The following GALNT13 variants were observed in gnomAD, a reference collection of about 807,000 sequenced individuals.
The protein encoded by GALNT13 is polypeptide N-acetylgalactosaminyltransferase 13.
In GALNT13, 28 loss-of-function variants were observed where a neutral mutation model predicts 64.2. The observed-to-expected ratio is 0.44, with a 90% confidence interval of 0.32 to 0.60. GALNT13 has a LOEUF of 0.60. Among genes scored for constraint, GALNT13 ranks in the 20% least tolerant of loss-of-function variants. GALNT13 has a pLI of 0.05. For missense variants in GALNT13, 577 were observed against 669.8 expected (o/e 0.86, Z 1.53); for synonymous variants, 214 against 224.6 (o/e 0.95, Z 0.42).
chr2:153,928,696 C>A (rs1690314786), intron 2 of GALNT13, among the ~76,000 whole-genome samples: 1 of 151,966 alleles, frequency 6.6e-6, no homozygotes, highest in South Asian at 2.1e-4. Context: ...CCCATATATT[C>A]CTTTTTAAAA....
chr2:153,664,373 C>T, the GALNT13 span, among the ~76,000 whole-genome samples: 15 of 152,136 alleles, frequency 9.9e-5, no homozygotes, highest in East Asian at 3.9e-4. Context: ...TGCCTGGTCC[C>T]GCAGGCAGTC....
At chr2:153,628,099 C>A in the GALNT13 span, among the ~76,000 whole-genome samples, 1 of 152,070 alleles carries the variant, frequency 6.6e-6, no homozygotes, top group African/African-American at 2.4e-5. Context: ...GTATTTTATT[C>A]TCTTTGAAGC....
the GALNT13 span, among the ~76,000 whole-genome samples, chr2:153,377,758 G>C: frequency 6.6e-6 from 1 of 152,032 alleles, no homozygotes; most frequent in Non-Finnish European, 1.5e-5. Flanking sequence ...AACAGAAAAT[G>C]GACTAAGACA....
chr2:153,653,178 T>C, the GALNT13 span, among the ~76,000 whole-genome samples: 2 of 104,696 alleles, frequency 1.9e-5, no homozygotes, highest in African/African-American at 5.7e-5. Context: ...GAAATAACAA[T>C]TGGGATAAAA....
chr2:153,536,366 T>C, the GALNT13 span, among the ~76,000 whole-genome samples: 2 of 152,246 alleles, frequency 1.3e-5, no homozygotes, highest in Non-Finnish European at 2.9e-5. Context: ...GTTGTAATTC[T>C]CTGTATCTGC....
chr2:154,334,954 C>A (rs1232489420), intron 9 of GALNT13, among the ~76,000 whole-genome samples: 1 of 151,930 alleles, frequency 6.6e-6, no homozygotes, highest in African/African-American at 2.4e-5. Context: ...TCTGCAGGGA[C>A]AAACTGTGAT....
At chr2:154,326,010 T>C (rs1377961865) in intron 9 of GALNT13, among the ~76,000 whole-genome samples, 2 of 152,114 alleles carry the variant, frequency 1.3e-5, no homozygotes, top group Non-Finnish European at 2.9e-5. Context: ...AGAACCACTG[T>C]GCTCATCCCC....
the GALNT13 span, among the ~76,000 whole-genome samples, chr2:153,634,842 C>T: frequency 1.7e-4 from 26 of 151,992 alleles, no homozygotes; most frequent in Non-Finnish European, 3.4e-4. Context: ...AGCCACCATG[C>T]CCAGCTGAAA....
At chr2:153,229,793 A>T in the GALNT13 span, among the ~76,000 whole-genome samples, 1 of 152,208 alleles carries the variant, frequency 6.6e-6, no homozygotes, top group Non-Finnish European at 1.5e-5. Flanking sequence ...CCTCTGTTTC[A>T]CAGGTCACTG....
chr2:154,272,008 G>T (rs1214315826), intron 8 of GALNT13, among the ~76,000 whole-genome samples: 1 of 151,720 alleles, frequency 6.6e-6, no homozygotes, highest in Non-Finnish European at 1.5e-5. Context: ...GGAATTAAAT[G>T]CATAAAAAGA....
At chr2:153,252,853 C>G in the GALNT13 span, among the ~76,000 whole-genome samples, 1 of 152,062 alleles carries the variant, frequency 6.6e-6, no homozygotes, top group African/African-American at 2.4e-5. Context: ...ACCAGCACCA[C>G]GCTGTTTTGG....
chr2:154,035,253 T>C (rs1205742852), intron 3 of GALNT13, among the ~76,000 whole-genome samples: 1 of 152,152 alleles, frequency 6.6e-6, no homozygotes. Flanking sequence ...TGTGATGCTT[T>C]TATTAGTAAG....
the GALNT13 span, among the ~76,000 whole-genome samples, chr2:153,660,997 T>C: frequency 0.92 from 140,225 of 152,054 alleles, 64,722 homozygotes; most frequent in Middle Eastern, 0.96. Context: ...CTGGAGGTGA[T>C]GATATAATCT....
the GALNT13 span, among the ~76,000 whole-genome samples, chr2:153,545,789 G>T: frequency 2.8e-4 from 43 of 152,278 alleles, no homozygotes; most frequent in Middle Eastern, 3.4e-3. Context: ...CACTACAGAA[G>T]TCTCTTACCC....
At chr2:153,695,645 G>A in the GALNT13 span, among the ~76,000 whole-genome samples, 4 of 152,306 alleles carry the variant, frequency 2.6e-5, no homozygotes, top group South Asian at 4.1e-4. Context: ...GAAATCAGTA[G>A]TGGGTATTCT....
At chr2:153,851,425 A>G in the GALNT13 span, among the ~76,000 whole-genome samples, 41 of 152,236 alleles carry the variant, frequency 2.7e-4, 1 homozygote, top group Admixed American at 2.7e-3. Flanking sequence ...GATATCAGAT[A>G]GAATTTTGCA....
chr2:154,092,158 G>A (rs1701847494), intron 3 of GALNT13, among the ~76,000 whole-genome samples: 1 of 146,588 alleles, frequency 6.8e-6, no homozygotes, highest in African/African-American at 2.5e-5. Context: ...GCTTTTGATA[G>A]TGCAAGTTCC....
At chr2:153,351,072 T>TAAG in the GALNT13 span, among the ~76,000 whole-genome samples, 7 of 152,142 alleles carry the variant, frequency 4.6e-5, no homozygotes, top group Non-Finnish European at 8.8e-5. Context: ...CCAGAAAAAC[T>TAAG]AAGTAAGCTC....
chr2:153,956,212 CA>C (rs1215267236), intron 3 of GALNT13, among the ~76,000 whole-genome samples: 1 of 152,158 alleles, frequency 6.6e-6, no homozygotes, highest in Non-Finnish European at 1.5e-5. Flanking sequence ...GGCACAACAG[CA>C]GTCATAATCA....
Sources: gnomAD v4.1 joint callset for allele counts (sites outside exome capture counted in the v4.1 genomes callset) on GRCh38, gnomAD v4.1.1 for gene constraint, MANE v1.5 for transcripts, NCBI Gene and HGNC (gene_info 2026-07-23, HGNC 2026-07-21) for gene names.